The following ANTXRL variants were observed in gnomAD, a reference collection of about 807,000 sequenced individuals.
ANTXRL encodes the protein anthrax toxin receptor-like.
ANTXRL carries 63 observed loss-of-function variants against 75.4 expected under a neutral mutation model. The observed-to-expected ratio is 0.84, with a 90% CI of 0.68 to 1.03. ANTXRL has a LOEUF of 1.03. ANTXRL is among the 50% of genes least tolerant of loss of function. The pLI is 0.00. For missense variants in ANTXRL, 797 were observed against 789.4 expected (o/e 1.01, Z -0.12); for synonymous variants, 335 against 291.3 (o/e 1.15, Z -1.53).
rs117319649 is a variant in ANTXRL, at chr10:46,297,541, G to C, written c.654+67G>C. 7.4e-6 allele frequency: 11 copies of C among 1,491,036 alleles called. No individual in the cohort carries two copies. The East Asian group carries it at 2.7e-4, about 37-fold the overall frequency. 92.4% of individuals were successfully genotyped at this position (1,491,036 alleles called of 1,614,324 possible). A position where few individuals can be genotyped will look rare whatever the true frequency, so the allele number is the denominator to read the frequency against. On this transcript the variant is annotated intron_variant, in intron 7 of 16. Coordinates refer to ENST00000620264, the MANE Select transcript of ANTXRL (RefSeq NM_001278688.3). ...TGGTCACTTTCGAGCCAACCGTCCC[G>C]GGCCACCCCAAGGACGGTTGTCTAA... is the stretch of plus-strand genomic sequence containing the variant.
intron 5 of ANTXRL, 99 bp downstream of exon 5, chr10:46,296,351 C>G (rs1837376850): frequency 7.4e-7 from 1 of 1,355,778 alleles, no homozygotes; most frequent in Non-Finnish European, 1.0e-6. Flanking sequence ...GCCACACCTG[C>G]CCTGCCTCTT....
At chr10:46,325,567 C>A (rs1300022136) in intron 16 of ANTXRL, among the ~76,000 whole-genome samples, 1 of 152,082 alleles carries the variant, frequency 6.6e-6, no homozygotes, top group Non-Finnish European at 1.5e-5. Flanking sequence ...AAGTTCAGGA[C>A]GGAGCTCATT....
intron 16 of ANTXRL, among the ~76,000 whole-genome samples, chr10:46,318,886 C>CT (rs1365834928): frequency 1.3e-5 from 2 of 152,086 alleles, no homozygotes; most frequent in African/African-American, 4.8e-5. Context: ...GTTTCCAGGG[C>CT]TACCACAGGG....
intron 1 of ANTXRL, among the ~76,000 whole-genome samples, chr10:46,290,331 C>G (rs782054338): frequency 1.3e-5 from 2 of 152,186 alleles, no homozygotes; most frequent in Non-Finnish European, 2.9e-5. Flanking sequence ...CGTGAGCCAC[C>G]TCGCCCGGCC....
chr10:46,313,832 T>C (rs1182150491), intron 16 of ANTXRL, among the ~76,000 whole-genome samples: 3 of 152,142 alleles, frequency 2.0e-5, no homozygotes, highest in Admixed American at 2.0e-4. Context: ...GGGACAAAAG[T>C]GCTGAGATAT....
Position 46,291,853 on chromosome 10 carries a change from GGGT to G in ANTXRL, c.249-201_249-199del, listed in dbSNP as rs560177510. On this transcript the variant is annotated intron_variant, in intron 1 of 16. Transcript: ENST00000620264. Reference sequence around the variant, plus strand: ...TCCTCAGTCCCAGGCAGATGGGGCTGGGTGGTCACCTTATGCTGACCACTCAAC... The same window carrying G: ...TCCTCAGTCCCAGGCAGATGGGGCTGGGTCACCTTATGCTGACCACTCAAC... 9.9e-5 allele frequency among the ~76,000 whole-genome samples: 15 copies of G among 152,220 alleles called. 2 individuals are homozygous for G. In the South Asian group the frequency reaches 3.1e-3, roughly 32 times the overall value.
At position 46,287,241 on chromosome 10, in the gene ANTXRL, G is replaced by A. The variant is rs1313123769; in HGVS notation, c.-22G>A. The A allele has an allele frequency of 3.3e-6, 5 of 1,534,056 alleles. No homozygotes were observed. Among genetic ancestry groups the A allele is most frequent in the Non-Finnish European group, 4.4e-6 (5 of 1,146,056 alleles). ...GGCACAGGCACCCAAGAGTGAGGTG[G>A]GGTCACAGGGACAGCCAGATAATGG... On this transcript the variant is annotated 5_prime_UTR_variant, in exon 1 of 17. Coordinates refer to ENST00000620264, the MANE Select transcript of ANTXRL (RefSeq NM_001278688.3).
At chr10:46,293,747 T>C (rs1276763308) in intron 2 of ANTXRL, 82 bp from the exon 3 acceptor site, 11 of 1,143,638 alleles carry the variant, frequency 9.6e-6, no homozygotes, top group Admixed American at 4.1e-5. Context: ...AGAGTTGGGG[T>C]GGGAGGTGGG....
At chr10:46,300,791 G>A (rs1465770933) in intron 9 of ANTXRL, among the ~76,000 whole-genome samples, 3 of 152,158 alleles carry the variant, frequency 2.0e-5, no homozygotes, top group South Asian at 2.1e-4. Flanking sequence ...GTCACCCAGG[G>A]TGTATCATGA....
At chr10:46,292,193 A>G in intron 2 of ANTXRL, 64 bp downstream of exon 2, 2 of 1,469,024 alleles carry the variant, frequency 1.4e-6, no homozygotes, top group Non-Finnish European at 1.8e-6. Flanking sequence ...GAAGGCAGGC[A>G]GAGGGCACAT....
intron 16 of ANTXRL, among the ~76,000 whole-genome samples, chr10:46,325,765 G>C (rs1173422661): frequency 6.6e-6 from 1 of 152,126 alleles, no homozygotes; most frequent in Non-Finnish European, 1.5e-5. Flanking sequence ...CTTAGGAACT[G>C]AATGTAAAAT....
Position 46,302,738 on chromosome 10 carries a change from T to A in ANTXRL, c.813T>A (p.Val271=). ...TCCTTGCAGAACCCTACCATGTGGT[T>A]ATTCATGGAAATGGCTTTCAGAATC... ...SECVGEPYHV[V]IHGNGFQNLK... is the part of the protein sequence containing the mutation. Residue 271 remains valine (V), a synonymous_variant, in exon 10 of 17, where the codon GTT becomes GTA. Transcript: ENST00000620264. 39 of 1,535,978 alleles carry A rather than the reference T, an allele frequency of 2.5e-5. No individual in the cohort carries two copies. The highest frequency in any genetic ancestry group is 3.4e-5 in the Non-Finnish European group (39 of 1,146,404).
At chr10:46,290,767 T>A (rs1361559547) in intron 1 of ANTXRL, among the ~76,000 whole-genome samples, 1 of 152,168 alleles carries the variant, frequency 6.6e-6, no homozygotes, top group Non-Finnish European at 1.5e-5. Context: ...TTGCCCATTT[T>A]TTTTGTTGCA....
intron 1 of ANTXRL, among the ~76,000 whole-genome samples, chr10:46,290,798 C>T (rs1485616702): frequency 2.0e-5 from 3 of 151,818 alleles, no homozygotes; most frequent in Non-Finnish European, 4.4e-5. Context: ...GTTTCTTTTT[C>T]GTTGTTGTTG....
intron 16 of ANTXRL, among the ~76,000 whole-genome samples, chr10:46,324,618 TTTAGGAAAGAC>T (rs1435361075): frequency 1.3e-5 from 2 of 152,156 alleles, no homozygotes. Flanking sequence ...ATTGGAGTAA[TTTAGGAAAGAC>T]TTAGAATAAC....
intron 10 of ANTXRL, among the ~76,000 whole-genome samples, chr10:46,303,452 AT>A (rs1554961057): frequency 6.6e-6 from 1 of 152,086 alleles, no homozygotes; most frequent in African/African-American, 2.4e-5. Flanking sequence ...TAGTTTTCAG[AT>A]TTTTTCAGGT....
intron 6 of ANTXRL, 31 bp from the exon 7 acceptor site, chr10:46,297,375 T>C: frequency 6.5e-7 from 1 of 1,536,174 alleles, no homozygotes; most frequent in Non-Finnish European, 8.7e-7. Context: ...TGTATTTTGA[T>C]GACCAATATG....
intron 16 of ANTXRL, among the ~76,000 whole-genome samples, chr10:46,323,763 T>C (rs1839086874): frequency 6.6e-6 from 1 of 152,110 alleles, no homozygotes; most frequent in South Asian, 2.1e-4. Flanking sequence ...AAAGGTTTAG[T>C]GTAGTTTGGA....
At chr10:46,310,106 C>T (rs527668041) in intron 13 of ANTXRL, among the ~76,000 whole-genome samples, 1 of 152,250 alleles carries the variant, frequency 6.6e-6, no homozygotes, top group African/African-American at 2.4e-5. Context: ...TGTAGACAGA[C>T]AGGCTCTCCC....
Sources: allele counts gnomAD v4.1 joint callset (sites outside exome capture counted in the v4.1 genomes callset), GRCh38; gene constraint gnomAD v4.1.1; transcripts MANE v1.5; gene names NCBI Gene and HGNC (gene_info 2026-07-23, HGNC 2026-07-21).